Variants in GHR observed in about 807,000 individuals in gnomAD.
The protein encoded by GHR is growth hormone receptor.
GHR carries 35 observed loss-of-function variants against 67.1 expected under a neutral mutation model. The ratio of observed to expected loss-of-function variants is 0.52; its 90% CI spans 0.40 to 0.69. The LOEUF is 0.69. Ranked by LOEUF, GHR falls within the 30% of genes least tolerant of loss-of-function variation. The pLI, the probability that GHR is intolerant of heterozygous loss-of-function variation, is 0.00. For synonymous variants in GHR, 272 were observed against 269.1 expected, an observed-to-expected ratio of 1.01 and a Z score of -0.10; for missense variants, 792 against 764.6, an observed-to-expected ratio of 1.04 and a Z score of -0.42.
At chr5:42,531,478 C>CT (rs68103582) in intron 1 of GHR, among the ~76,000 whole-genome samples, 32 of 146,774 alleles carry the variant, frequency 2.2e-4, no homozygotes, top group Admixed American at 5.5e-4. Flanking sequence ...TGACCATAGA[C>CT]TTTTTTTTTT....
intron 3 of GHR, among the ~76,000 whole-genome samples, chr5:42,686,752 C>T (rs1014163545): frequency 6.6e-6 from 1 of 152,190 alleles, no homozygotes; most frequent in Non-Finnish European, 1.5e-5. Flanking sequence ...GAAGCATTCC[C>T]TTTGAAAACC....
intron 1 of GHR, among the ~76,000 whole-genome samples, chr5:42,531,401 A>AT (rs1747962201): frequency 6.6e-6 from 1 of 152,078 alleles, no homozygotes; most frequent in Admixed American, 6.5e-5. Context: ...ACTACTATGG[A>AT]TTTTCTCTAC....
At chr5:42,466,531 T>C (rs934738389) in intron 1 of GHR, among the ~76,000 whole-genome samples, 19 of 152,220 alleles carry the variant, frequency 1.2e-4, no homozygotes, top group Non-Finnish European at 1.9e-4. Flanking sequence ...ACCTGCCTAT[T>C]GCTCAAGCAA....
chr5:42,637,769 G>A (rs575942715), intron 3 of GHR, among the ~76,000 whole-genome samples: 13 of 152,196 alleles, frequency 8.5e-5, no homozygotes, highest in African/African-American at 2.6e-4. Flanking sequence ...GAATATATGA[G>A]TGCGTGTGTC....
At chr5:42,573,409 T>C (rs1379762607) in intron 2 of GHR, among the ~76,000 whole-genome samples, 1 of 152,016 alleles carries the variant, frequency 6.6e-6, no homozygotes, top group Non-Finnish European at 1.5e-5. Context: ...TAAACACTAA[T>C]GTGTGGGAGC....
chr5:42,475,614 C>G (rs1250975409), intron 1 of GHR, among the ~76,000 whole-genome samples: 1 of 151,628 alleles, frequency 6.6e-6, no homozygotes, highest in Non-Finnish European at 1.5e-5. Context: ...AAAAAGGACC[C>G]CCCCACCAAA....
intron 3 of GHR, among the ~76,000 whole-genome samples, chr5:42,643,278 G>A (rs1754569833): frequency 6.6e-6 from 1 of 152,192 alleles, no homozygotes; most frequent in African/African-American, 2.4e-5. Flanking sequence ...CTTTATTGCA[G>A]AACCTCTCAG....
intron 1 of GHR, among the ~76,000 whole-genome samples, chr5:42,434,435 C>T (rs1743233201): frequency 6.6e-6 from 1 of 152,154 alleles, no homozygotes; most frequent in South Asian, 2.1e-4. Flanking sequence ...TATTGTGCCT[C>T]CTCAAATGCC....
intron 1 of GHR, among the ~76,000 whole-genome samples, chr5:42,545,523 G>GA (rs1748698206): frequency 6.6e-6 from 1 of 152,166 alleles, no homozygotes; most frequent in South Asian, 2.1e-4. Context: ...TTTGTAATCA[G>GA]AAAAAAATAT....
chr5:42,496,079 C>T (rs1746309602), intron 1 of GHR, among the ~76,000 whole-genome samples: 1 of 152,142 alleles, frequency 6.6e-6, no homozygotes, highest in Non-Finnish European at 1.5e-5. Context: ...AAAAGTATTA[C>T]AAATTGAGAC....
At chr5:42,687,032 T>C (rs1757191153) in intron 3 of GHR, among the ~76,000 whole-genome samples, 1 of 152,024 alleles carries the variant, frequency 6.6e-6, no homozygotes, top group Non-Finnish European at 1.5e-5. Context: ...TATACACCAG[T>C]AACAGACAGA....
chr5:42,584,660 A>G (rs568973346), intron 2 of GHR, among the ~76,000 whole-genome samples: 12 of 152,060 alleles, frequency 7.9e-5, no homozygotes, highest in Non-Finnish European at 1.8e-4. Flanking sequence ...TTATAAATAT[A>G]TTTTTCCTTA....
intron 1 of GHR, among the ~76,000 whole-genome samples, chr5:42,522,218 G>C (rs1201708024): frequency 1.3e-5 from 2 of 152,046 alleles, no homozygotes; most frequent in African/African-American, 4.8e-5. Context: ...ATAAAGGGTG[G>C]TATATGTTGC....
chr5:42,516,467 AG>A (rs1561089852), intron 1 of GHR, among the ~76,000 whole-genome samples: 1 of 152,084 alleles, frequency 6.6e-6, no homozygotes, highest in African/African-American at 2.4e-5. Context: ...CCTGGGCTTC[AG>A]GGTTCCCTTT....
intron 1 of GHR, among the ~76,000 whole-genome samples, chr5:42,497,510 T>C (rs1746369618): frequency 6.6e-6 from 1 of 152,180 alleles, no homozygotes; most frequent in Non-Finnish European, 1.5e-5. Context: ...AAGCAAGGAT[T>C]GCCAAACTAC....
rs755418537 is a variant in GHR at position 42,718,568 on chromosome 5, A to T, written c.1061A>T (p.Asp354Val). 2.0e-5 allele frequency: 32 copies of T among 1,614,056 alleles called. No homozygotes were observed. The Admixed American group carries it at 5.3e-4, about 27-fold the overall frequency. ...EFIELDIDEP[D>V]EKTEESDTDR... ...ATTGAGCTAGATATTGATGAGCCAG[A>T]TGAAAAGACTGAGGAATCAGACACA... Residue 354 changes from aspartate (D) to valine (V), a missense_variant, in exon 10 of 10, where the codon GAT becomes GTT. Asp to Val is a radical substitution (Grantham distance 152). Coordinates refer to ENST00000230882, the MANE Select transcript of GHR (RefSeq NM_000163.5).
At chr5:42,451,710 A>AAAC (rs1744058906) in intron 1 of GHR, among the ~76,000 whole-genome samples, 1 of 151,770 alleles carries the variant, frequency 6.6e-6, no homozygotes, top group African/African-American at 2.4e-5. Flanking sequence ...GTCAAAAAAA[A>AAAC]AAAAAAAAAC....
At chr5:42,581,626 A>G (rs2112558539) in intron 2 of GHR, among the ~76,000 whole-genome samples, 1 of 152,310 alleles carries the variant, frequency 6.6e-6, no homozygotes, top group South Asian at 2.1e-4. Context: ...CTGAAGCCTC[A>G]TACATAGAGA....
At chr5:42,650,378 G>T (rs2112821093) in intron 3 of GHR, among the ~76,000 whole-genome samples, 1 of 152,044 alleles carries the variant, frequency 6.6e-6, no homozygotes, top group African/African-American at 2.4e-5. Flanking sequence ...GAATTTATTT[G>T]CTCCAAAAAC....
Sources: gnomAD v4.1 joint callset for allele counts (sites outside exome capture counted in the v4.1 genomes callset) on GRCh38, gnomAD v4.1.1 for gene constraint, MANE v1.5 for transcripts, NCBI Gene and HGNC (gene_info 2026-07-23, HGNC 2026-07-21) for gene names.